Variants in UGT2A2 observed in about 807,000 individuals in gnomAD.
The protein encoded by UGT2A2 is UDP-glucuronosyltransferase 2A2.
Under a neutral mutation model 50.7 loss-of-function variants are expected in UGT2A2, and 60 were observed. The ratio of observed to expected loss-of-function variants is 1.18; its 90% CI spans 0.96 to 1.47. UGT2A2 has a LOEUF of 1.47. UGT2A2 is among the 40% of genes most tolerant of loss of function. The pLI, the probability that UGT2A2 is intolerant of heterozygous loss-of-function variation, is 0.00. For missense variants in UGT2A2, 762 were observed against 634.0 expected, an observed-to-expected ratio of 1.20 and a Z score of -2.17; for synonymous variants, 242 against 214.6, an observed-to-expected ratio of 1.13 and a Z score of -1.11.
Position 69,595,152 on chromosome 4 carries a change from A to ACAGTCTTACCAAGTCTTAC in UGT2A2, c.1111+9_1111+10insGTAAGACTTGGTAAGACTG. ...CCCACTGTACAGCTTTTCTTTCCCCACAGTCTTACCAAGAAGATCATTCTG... is the reference window on the plus strand; with the variant it reads ...CCCACTGTACAGCTTTTCTTTCCCCACAGTCTTACCAAGTCTTACCAGTCTTACCAAGAAGATCATTCTG... On this transcript the variant is annotated intron_variant, in intron 4 of 5. Coordinates refer to ENST00000604629, the MANE Select transcript of UGT2A2 (RefSeq NM_001105677.2). 1.2e-6 allele frequency: 2 copies of ACAGTCTTACCAAGTCTTAC among 1,613,774 alleles called. No individual in the cohort carries two copies. The highest frequency in any genetic ancestry group is 1.7e-6 in the Non-Finnish European group (2 of 1,179,830).
chr4:69,634,303 T>C lies in UGT2A2; in HGVS notation c.742+4596A>G, dbSNP rs1577995663. 4.0e-5 allele frequency among the ~76,000 whole-genome samples: 6 copies of C among 151,684 alleles called. No individual in the cohort carries two copies. The South Asian group carries it at 8.4e-4, about 21-fold the overall frequency. On this transcript the variant is annotated intron_variant, in intron 1 of 5. Transcript: ENST00000604629. Reference sequence around the variant, plus strand: ...CAACAACAACAAAAACCCACAACACTGATCACAGGAAAGCTACATATAAGA... The same window carrying C: ...CAACAACAACAAAAACCCACAACACCGATCACAGGAAAGCTACATATAAGA...
chr4:69,603,686 G>A (rs1430804199), intron 1 of UGT2A2: 1 of 135,772 alleles, frequency 7.4e-6, no homozygotes, highest in African/African-American at 3.0e-5. Flanking sequence ...TTAGACGAAT[G>A]GCTAACTAGA....
intron 1 of UGT2A2, among the ~76,000 whole-genome samples, chr4:69,614,136 C>T (rs1720233343): frequency 7.9e-6 from 1 of 126,990 alleles, no homozygotes; most frequent in Admixed American, 7.7e-5. Flanking sequence ...AGTTCCAGGA[C>T]ACAAAATCAA....
At chr4:69,631,642 A>G (rs139711352) in intron 1 of UGT2A2, among the ~76,000 whole-genome samples, 1 of 152,326 alleles carries the variant, frequency 6.6e-6, no homozygotes, top group African/African-American at 2.4e-5. Flanking sequence ...AAACCTGCCA[A>G]GCAAGGAGAG....
intron 1 of UGT2A2, among the ~76,000 whole-genome samples, chr4:69,617,594 T>C (rs1019586865): frequency 6.6e-6 from 1 of 151,854 alleles, no homozygotes; most frequent in African/African-American, 2.4e-5. Flanking sequence ...AAATTAGGGC[T>C]AGTGCTATCT....
chr4:69,617,784 A>C (rs1421926785), intron 1 of UGT2A2, among the ~76,000 whole-genome samples: 1 of 151,862 alleles, frequency 6.6e-6, no homozygotes, highest in Non-Finnish European at 1.5e-5. Flanking sequence ...GGATTTTCTG[A>C]TGTAATTTTC....
chr4:69,602,657 A>T (rs1367044486), intron 1 of UGT2A2, among the ~76,000 whole-genome samples: 1 of 137,794 alleles, frequency 7.3e-6, no homozygotes, highest in Non-Finnish European at 1.5e-5. Context: ...TTAAAAACTA[A>T]ATTTCCACTG....
intron 5 of UGT2A2, among the ~76,000 whole-genome samples, chr4:69,593,067 G>T (rs1313966835): frequency 6.6e-6 from 1 of 152,044 alleles, no homozygotes; most frequent in Non-Finnish European, 1.5e-5. Context: ...ATTTCCACAG[G>T]TCTGAAGGAA....
chr4:69,633,305 CAA>C (rs914599920), intron 1 of UGT2A2, among the ~76,000 whole-genome samples: 1 of 151,818 alleles, frequency 6.6e-6, no homozygotes, highest in Non-Finnish European at 1.5e-5. Flanking sequence ...AAATAAATAC[CAA>C]AAAGAACAAT....
chr4:69,611,159 T>G (rs375246353), intron 1 of UGT2A2, among the ~76,000 whole-genome samples: 9 of 151,788 alleles, frequency 5.9e-5, no homozygotes, highest in African/African-American at 2.2e-4. Context: ...TTTGTTTTAT[T>G]TTTTGAGACA....
chr4:69,619,185 C>G (rs1720594174), intron 1 of UGT2A2, among the ~76,000 whole-genome samples: 1 of 151,672 alleles, frequency 6.6e-6, no homozygotes, highest in Admixed American at 6.6e-5. Context: ...ATTGCTTGAG[C>G]CCAGGAGTTT....
At chr4:69,630,954 A>G (rs1212251931) in intron 1 of UGT2A2, among the ~76,000 whole-genome samples, 3 of 152,118 alleles carry the variant, frequency 2.0e-5, no homozygotes, top group Non-Finnish European at 2.9e-5. Flanking sequence ...AGAGTTAACA[A>G]TACTACTTAA....
In UGT2A2 at chr4:69,604,042, G is replaced by A. The variant is rs1423012632; in HGVS notation, c.743-4648C>T. Among the ~76,000 whole-genome samples the A allele has an allele frequency of 2.9e-5, 4 of 136,152 alleles. 2 individuals are homozygous for A. The highest frequency in any genetic ancestry group is 6.2e-5 in the Non-Finnish European group (4 of 64,168). 89.3% of individuals were successfully genotyped at this position (136,152 alleles called of 152,430 possible). A position where few individuals can be genotyped will look rare whatever the true frequency, so the allele number is the denominator to read the frequency against. On this transcript the variant is annotated intron_variant, in intron 1 of 5. Transcript: ENST00000604629. ...CCCCAGTCTAGCAAGGAAGGCCAAC[G>A]TTCAAACTCAGGAAATACAGAGAAC...
chr4:69,624,644 T>C (rs1468142752), intron 1 of UGT2A2, among the ~76,000 whole-genome samples: 1 of 151,310 alleles, frequency 6.6e-6, no homozygotes, highest in Non-Finnish European at 1.5e-5. Context: ...TTTGTTGTGG[T>C]TGTGTGTAAA....
intron 1 of UGT2A2, among the ~76,000 whole-genome samples, chr4:69,623,433 C>T (rs1224613359): frequency 6.6e-6 from 1 of 151,600 alleles, no homozygotes; most frequent in African/African-American, 2.4e-5. Context: ...AGGGAAAAGA[C>T]AAAAGCCAAT....
intron 1 of UGT2A2, among the ~76,000 whole-genome samples, chr4:69,605,544 C>T (rs1378738876): frequency 7.4e-6 from 1 of 135,920 alleles, no homozygotes; most frequent in Non-Finnish European, 1.6e-5. Flanking sequence ...CATTCAAGAC[C>T]TAGCAGAAGG....
At chr4:69,598,241 A>T (rs1157577207) in intron 2 of UGT2A2, among the ~76,000 whole-genome samples, 1 of 152,178 alleles carries the variant, frequency 6.6e-6, no homozygotes, top group Non-Finnish European at 1.5e-5. Flanking sequence ...GTCTGTTACT[A>T]TAAACAGAAA....
intron 1 of UGT2A2, among the ~76,000 whole-genome samples, chr4:69,607,374 A>G (rs1719700867): frequency 6.6e-6 from 1 of 151,636 alleles, no homozygotes. Flanking sequence ...ATATGTAGAA[A>G]GCTGAACCTG....
chr4:69,615,662 A>G (rs1720335187), intron 1 of UGT2A2, among the ~76,000 whole-genome samples: 7 of 151,972 alleles, frequency 4.6e-5, no homozygotes, highest in Admixed American at 4.6e-4. Context: ...CTATAATGAG[A>G]TATCATCTGA....
Sources: gnomAD v4.1 joint callset for allele counts (sites outside exome capture counted in the v4.1 genomes callset) on GRCh38, gnomAD v4.1.1 for gene constraint, MANE v1.5 for transcripts, NCBI Gene and HGNC (gene_info 2026-07-23, HGNC 2026-07-21) for gene names.